The following AGBL1 variants were observed in gnomAD, a reference collection of about 807,000 sequenced individuals.
The protein encoded by AGBL1 is cytosolic carboxypeptidase 4.
AGBL1 carries 130 observed loss-of-function variants against 118.9 expected under a neutral mutation model. The observed-to-expected ratio is 1.09, with a 90% CI of 0.95 to 1.26. The LOEUF (loss-of-function observed/expected upper bound fraction) is 1.26. Among genes scored for constraint, AGBL1 ranks in the 50% most tolerant of loss-of-function variants. AGBL1 has a pLI of 0.00. For missense variants in AGBL1, 1,584 were observed against 1,298.1 expected, an observed-to-expected ratio of 1.22 and a Z score of -3.38; for synonymous variants, 555 against 478.9, an observed-to-expected ratio of 1.16 and a Z score of -2.08.
At chr15:86,558,844 C>A (rs1199707889) in intron 21 of AGBL1, among the ~76,000 whole-genome samples, 1 of 152,284 alleles carries the variant, frequency 6.6e-6, no homozygotes, top group East Asian at 1.9e-4. Flanking sequence ...GTAGCCCAGA[C>A]TGTAGGCTGA....
At chr15:87,004,731 A>G (rs1037808871) in intron 24 of AGBL1, among the ~76,000 whole-genome samples, 8 of 152,178 alleles carry the variant, frequency 5.3e-5, no homozygotes, top group African/African-American at 1.9e-4. Context: ...TCCTGTCATT[A>G]TGATGTTAGC....
At chr15:86,097,140 T>A (rs1178234853) in intron 1 of AGBL1, among the ~76,000 whole-genome samples, 1 of 152,182 alleles carries the variant, frequency 6.6e-6, no homozygotes, top group Non-Finnish European at 1.5e-5. Flanking sequence ...TTCTAAATGT[T>A]ATTGGGATTG....
chr15:86,691,751 G>A (rs1839991), intron 22 of AGBL1, among the ~76,000 whole-genome samples: 81,826 of 151,882 alleles, frequency 0.54, 22,701 homozygotes, highest in Non-Finnish European at 0.6. Context: ...GCCTGAGGCT[G>A]TTATAAAAAA....
At chr15:86,918,780 G>A (rs550446174), downstream of AGBL1, among the ~76,000 whole-genome samples, 1 of 152,290 alleles carries the variant, frequency 6.6e-6, no homozygotes, top group South Asian at 2.1e-4. Context: ...CCTAGCAAAT[G>A]TTCAGAGCAA....
intron 23 of AGBL1, among the ~76,000 whole-genome samples, chr15:86,983,667 AG>A (rs1052985928): frequency 6.6e-6 from 1 of 152,224 alleles, no homozygotes; most frequent in African/African-American, 2.4e-5. Context: ...TACCTCCAAA[AG>A]GTTCCCATGC....
At chr15:86,308,755 T>C (rs1232407300) in intron 17 of AGBL1, among the ~76,000 whole-genome samples, 2 of 152,234 alleles carry the variant, frequency 1.3e-5, no homozygotes, top group African/African-American at 4.8e-5. Flanking sequence ...TATTTCTGGC[T>C]CCTTATTCTG....
intron 22 of AGBL1, among the ~76,000 whole-genome samples, chr15:86,694,859 T>A (rs1409293736): frequency 6.6e-6 from 1 of 152,118 alleles, no homozygotes; most frequent in Non-Finnish European, 1.5e-5. Context: ...GATCATGTGA[T>A]TTTTGTTTTG....
chr15:86,510,950 A>G (rs1333468070), intron 18 of AGBL1, among the ~76,000 whole-genome samples: 1 of 152,076 alleles, frequency 6.6e-6, no homozygotes, highest in African/African-American at 2.4e-5. Context: ...AACGAGAGAG[A>G]CATAATATCA....
Position 86,411,592 on chromosome 15 carries a change from T to C in AGBL1, c.2555+14046T>C, listed in dbSNP as rs1157212942. 2.6e-5 allele frequency among the ~76,000 whole-genome samples: 4 copies of C among 152,142 alleles called. No homozygotes were observed. In the East Asian group the frequency reaches 7.7e-4, roughly 29 times the overall value. Reference sequence around the variant, plus strand: ...TAGCCTTACTCCTTCATTGCCCACCTTCCTTCTTGCAAACATGCTCCCATA... The same window carrying C: ...TAGCCTTACTCCTTCATTGCCCACCCTCCTTCTTGCAAACATGCTCCCATA... On this transcript the variant is annotated intron_variant, in intron 18 of 22. Coordinates refer to ENST00000614907, the MANE Select transcript of AGBL1 (RefSeq NM_001386094.1).
At chr15:86,086,185 C>G (rs561191530) in intron 1 of AGBL1, 2 of 152,272 alleles carry the variant, frequency 1.3e-5, no homozygotes, top group East Asian at 1.9e-4. Flanking sequence ...TTATGAGAAC[C>G]AAACACAGCC....
At chr15:86,710,159 G>C (rs1192696896) in intron 22 of AGBL1, among the ~76,000 whole-genome samples, 1 of 114,710 alleles carries the variant, frequency 8.7e-6, no homozygotes, top group East Asian at 2.7e-4. Flanking sequence ...TACAGGAAGA[G>C]GCTGATTTGC....
chr15:86,998,215 T>C (rs1349349336), intron 24 of AGBL1, among the ~76,000 whole-genome samples: 2 of 152,174 alleles, frequency 1.3e-5, no homozygotes, highest in African/African-American at 4.8e-5. Context: ...GCAAAAGTGA[T>C]AGGATACCAC....
intron 21 of AGBL1, among the ~76,000 whole-genome samples, chr15:86,589,977 C>T (rs2084309841): frequency 6.6e-6 from 1 of 151,540 alleles, no homozygotes; most frequent in African/African-American, 2.4e-5. Context: ...GGAAAACTTC[C>T]TTTTGCCCTC....
Position 86,949,416 on chromosome 15 carries a change from G to A in AGBL1, c.3222-38571G>A, listed in dbSNP as rs376373848. Among the ~76,000 whole-genome samples the A allele has an allele frequency of 1.8e-4, 28 of 152,140 alleles. No homozygotes were observed. In the East Asian group the frequency reaches 3.5e-3, roughly 19 times the overall value. Reference sequence around the variant, plus strand: ...TTCAGGGAATTTTCAAACTTTTGGAGCCAATTCAGGAAGAAGGCCACTGTT... The same window carrying A: ...TTCAGGGAATTTTCAAACTTTTGGAACCAATTCAGGAAGAAGGCCACTGTT... On this transcript the variant is annotated intron_variant, in intron 23 of 24. Coordinates refer to the AGBL1 transcript ENST00000441037.
At chr15:86,200,552 C>CG (rs1047315836) in intron 5 of AGBL1, among the ~76,000 whole-genome samples, 1 of 52,560 alleles carries the variant, frequency 1.9e-5, no homozygotes, top group African/African-American at 1.0e-4. Context: ...AGACCCCTAC[C>CG]CCCCCCCCCC....
intron 22 of AGBL1, 69 bp downstream of exon 22, chr15:86,674,505 G>A: frequency 2.7e-6 from 4 of 1,497,658 alleles, no homozygotes; most frequent in Non-Finnish European, 3.6e-6. Flanking sequence ...TCTCAGTAAT[G>A]AAAGTCGAGT....
chr15:86,735,756 T>A (rs2077586560), intron 22 of AGBL1, among the ~76,000 whole-genome samples: 1 of 151,932 alleles, frequency 6.6e-6, no homozygotes. Context: ...ATGAATAAAA[T>A]TGCTTGGCAC....
At chr15:86,846,320 A>T (rs1280320917) in intron 22 of AGBL1, among the ~76,000 whole-genome samples, 1 of 152,104 alleles carries the variant, frequency 6.6e-6, no homozygotes, top group African/African-American at 2.4e-5. Context: ...CATTGCTCCG[A>T]GCATGTCATT....
intron 17 of AGBL1, among the ~76,000 whole-genome samples, chr15:86,306,517 T>C (rs1265722964): frequency 6.6e-6 from 1 of 152,212 alleles, no homozygotes; most frequent in Non-Finnish European, 1.5e-5. Context: ...GGCTGAATAA[T>C]ACTCCATTAT....
Sources: gnomAD v4.1 joint callset for allele counts (sites outside exome capture counted in the v4.1 genomes callset) on GRCh38, gnomAD v4.1.1 for gene constraint, MANE v1.5 for transcripts, NCBI Gene and HGNC (gene_info 2026-07-23, HGNC 2026-07-21) for gene names.